DAPK1: variants seen among roughly 807,000 people sequenced by gnomAD.
DAPK1 encodes the protein death-associated protein kinase 1.
Under a neutral mutation model 144.9 loss-of-function variants are expected in DAPK1, and 56 were observed. That is an observed-to-expected ratio of 0.39 (90% CI 0.31 to 0.48). The LOEUF (loss-of-function observed/expected upper bound fraction) is 0.48. Ranked by LOEUF, DAPK1 falls within the 20% of genes least tolerant of loss-of-function variation. The probability of loss-of-function intolerance (pLI) is 0.95; values close to 1 mark genes in which losing one functional copy is unlikely to be tolerated. For missense variants in DAPK1, 1,454 were observed against 1,875.4 expected (o/e 0.78, Z 4.15); for synonymous variants, 690 against 749.0 (o/e 0.92, Z 1.29).
At chr9:87,573,516 C>G (rs1445245977) in intron 2 of DAPK1, among the ~76,000 whole-genome samples, 4 of 152,228 alleles carry the variant, frequency 2.6e-5, no homozygotes, top group African/African-American at 9.6e-5. Flanking sequence ...GGATATGTAG[C>G]TCTGAAGGAG....
intron 2 of DAPK1, among the ~76,000 whole-genome samples, chr9:87,524,712 A>G (rs1489193634): frequency 6.6e-6 from 1 of 152,244 alleles, no homozygotes; most frequent in African/African-American, 2.4e-5. Context: ...ACTCGGCCCT[A>G]AAAAGGAATG....
At chr9:87,574,933 C>G (rs947074711) in intron 2 of DAPK1, among the ~76,000 whole-genome samples, 3 of 150,278 alleles carry the variant, frequency 2.0e-5, no homozygotes, top group African/African-American at 7.4e-5. Context: ...AAAAATAAAA[C>G]AAGGCCGGGC....
At chr9:87,694,117 T>G (rs946995519) in intron 21 of DAPK1, among the ~76,000 whole-genome samples, 2 of 152,160 alleles carry the variant, frequency 1.3e-5, no homozygotes, top group African/African-American at 4.8e-5. Flanking sequence ...CTCAGTTCCC[T>G]GGGCAGCAGG....
At chr9:87,572,984 C>T (rs1236120354) in intron 2 of DAPK1, among the ~76,000 whole-genome samples, 1 of 152,198 alleles carries the variant, frequency 6.6e-6, no homozygotes, top group Non-Finnish European at 1.5e-5. Flanking sequence ...GCTCTCCTCC[C>T]ACCTTCCAGA....
chr9:87,605,586 C>T (rs1453429712), intron 3 of DAPK1, among the ~76,000 whole-genome samples: 4 of 151,692 alleles, frequency 2.6e-5, no homozygotes, highest in Non-Finnish European at 4.4e-5. Context: ...TCTCTTCCCC[C>T]ATCTCTTCCC....
intron 2 of DAPK1, among the ~76,000 whole-genome samples, chr9:87,549,911 ATTACT>A (rs1401831001): frequency 1.3e-5 from 2 of 152,164 alleles, no homozygotes; most frequent in Non-Finnish European, 2.9e-5. Context: ...CGCCATCTTC[ATTACT>A]TTATGCATTT....
chr9:87,523,295 G>A (rs183441742), intron 2 of DAPK1, among the ~76,000 whole-genome samples: 117 of 152,112 alleles, frequency 7.7e-4, no homozygotes, highest in African/African-American at 2.5e-3. Flanking sequence ...GGCCCTTACC[G>A]CTCTGAGTTT....
intron 3 of DAPK1, among the ~76,000 whole-genome samples, chr9:87,612,003 A>C (rs7043562): frequency 0.3 from 45,632 of 152,068 alleles, 8,567 homozygotes; most frequent in African/African-American, 0.53. Context: ...CAGGAAGTAC[A>C]TTTTGCTGCA....
chr9:87,585,876 A>G (rs1040175771), intron 2 of DAPK1, among the ~76,000 whole-genome samples: 2 of 152,228 alleles, frequency 1.3e-5, no homozygotes, highest in Non-Finnish European at 2.9e-5. Context: ...ATCTATCATA[A>G]TCATTTTCAT....
intron 14 of DAPK1, among the ~76,000 whole-genome samples, chr9:87,647,617 A>G (rs1830315443): frequency 6.6e-6 from 1 of 152,244 alleles, no homozygotes; most frequent in South Asian, 2.1e-4. Flanking sequence ...TAGTTGCCAT[A>G]ATACGCACGC....
intron 2 of DAPK1, among the ~76,000 whole-genome samples, chr9:87,598,499 C>T (rs967181749): frequency 1.3e-5 from 2 of 151,986 alleles, no homozygotes; most frequent in African/African-American, 2.4e-5. Flanking sequence ...TTGATCTGCA[C>T]TCACCTGCTC....
chr9:87,632,904 G>GTATATATATA lies in DAPK1; in HGVS notation c.285-5030_285-5021dup, dbSNP rs139806970. Reference sequence around the variant, plus strand: ...TACATGTAGGGATGAAGGAGGATGAGTATATATATATATATATAAATGAAG... The same window carrying GTATATATATA: ...TACATGTAGGGATGAAGGAGGATGAGTATATATATATATATATATATATATATAAATGAAG... On this transcript the variant is annotated intron_variant, in intron 3 of 25. Coordinates refer to ENST00000408954, the MANE Select transcript of DAPK1 (RefSeq NM_004938.4). 8.4e-4 allele frequency: 677 copies of GTATATATATA among 805,410 alleles called. 4 individuals carry two copies. The African/African-American group carries it at 0.01, about 12-fold the overall frequency. The allele number at this position is 805,410 out of a possible 1,614,324, so 49.9% of individuals were successfully genotyped here.
chr9:87,702,654 G>C (rs1371070460), intron 24 of DAPK1, among the ~76,000 whole-genome samples: 2 of 152,116 alleles, frequency 1.3e-5, no homozygotes, highest in African/African-American at 4.8e-5. Flanking sequence ...TATTTAACAT[G>C]AACTAAAGAG....
chr9:87,660,945 A>G (rs1241557023), intron 18 of DAPK1, among the ~76,000 whole-genome samples: 1 of 152,158 alleles, frequency 6.6e-6, no homozygotes, highest in Non-Finnish European at 1.5e-5. Flanking sequence ...CCCAGGTTCA[A>G]GTGATTCTCC....
intron 19 of DAPK1, among the ~76,000 whole-genome samples, chr9:87,677,385 C>T (rs897234005): frequency 6.6e-6 from 1 of 152,108 alleles, no homozygotes; most frequent in Non-Finnish European, 1.5e-5. Context: ...GACCATGGTT[C>T]GAGTCTCCTG....
chr9:87,598,942 AGCAAAG>A, intron 2 of DAPK1, among the ~76,000 whole-genome samples: 1 of 152,202 alleles, frequency 6.6e-6, no homozygotes. Flanking sequence ...AGCATCTTAA[AGCAAAG>A]GTTTTAATTA....
Position 87,686,276 on chromosome 9 carries a change from A to G in DAPK1, c.2225-275A>G, listed in dbSNP as rs1287699352. Among the ~76,000 whole-genome samples the G allele has an allele frequency of 6.6e-6, 1 of 152,134 alleles. No individual in the cohort carries two copies. Among genetic ancestry groups the G allele is most frequent in the African/African-American group, 2.4e-5 (1 of 41,434 alleles). On this transcript the variant is annotated intron_variant, in intron 20 of 25. Coordinates refer to ENST00000408954, the MANE Select transcript of DAPK1 (RefSeq NM_004938.4). The surrounding 1 kb of genome is among the most constrained non-coding windows in gnomAD (Gnocchi z 4.2). ...GACCCTAAGCAGAAATCACATGGCA[A>G]GCCAGCCTAGAGACACAATCCCTAG... is the stretch of plus-strand genomic sequence containing the variant.
chr9:87,650,650 G>A (rs1830413645), intron 16 of DAPK1: 1 of 163,038 alleles, frequency 6.1e-6, no homozygotes, highest in African/African-American at 2.4e-5. Context: ...TTAGATTTGG[G>A]ATTCTGTAGT....
intron 19 of DAPK1, among the ~76,000 whole-genome samples, chr9:87,676,365 G>T (rs1358583007): frequency 6.6e-6 from 1 of 152,244 alleles, no homozygotes; most frequent in Non-Finnish European, 1.5e-5. Context: ...GTGGATGAAA[G>T]CTGCTTTCCC....
Sources: allele counts gnomAD v4.1 joint callset (sites outside exome capture counted in the v4.1 genomes callset), GRCh38; gene constraint gnomAD v4.1.1; non-coding constraint Gnocchi (gnomAD v3.1); transcripts MANE v1.5; gene names NCBI Gene and HGNC (gene_info 2026-07-23, HGNC 2026-07-21).